Variants in SNAPC4 observed in about 807,000 individuals in gnomAD.
SNAPC4 encodes the protein snRNA-activating protein complex subunit 4.
A neutral mutation model predicts 151.3 loss-of-function variants in SNAPC4; 127 were observed. The observed-to-expected ratio is 0.84, with a 90% CI of 0.73 to 0.97. The LOEUF (loss-of-function observed/expected upper bound fraction) is 0.97. Ranked by LOEUF, SNAPC4 falls within the 50% of genes least tolerant of loss-of-function variation. The probability of loss-of-function intolerance (pLI) is 0.00; values close to 1 mark genes in which losing one functional copy is unlikely to be tolerated. For synonymous variants in SNAPC4, 1,002 were observed against 824.4 expected, an observed-to-expected ratio of 1.22 and a Z score of -3.69; for missense variants, 2,186 against 1,935.0, an observed-to-expected ratio of 1.13 and a Z score of -2.43.
chr9:136,382,557 T>A (rs1833738287), intron 16 of SNAPC4, among the ~76,000 whole-genome samples: 1 of 152,170 alleles, frequency 6.6e-6, no homozygotes, highest in South Asian at 2.1e-4. Context: ...CAGGGTCCCA[T>A]GCCCCCCAGC....
In SNAPC4 at chr9:136,376,549, G is replaced by A. The variant is rs960840004; in HGVS notation, c.4285-68C>T. ...GAGCCATGATGGACGGGGAAGGGAC[G>A]GGAGTGAGGAGGGGCCCTGTGGGTG... On this transcript the variant is annotated intron_variant, in intron 22 of 23. Coordinates refer to ENST00000684778, the MANE Select transcript of SNAPC4 (RefSeq NM_003086.4). The A allele has an allele frequency of 9.5e-6, 15 of 1,582,818 alleles. No individual in the cohort carries two copies. The South Asian group carries it at 1.1e-4, about 12-fold the overall frequency.
intron 19 of SNAPC4, among the ~76,000 whole-genome samples, chr9:136,381,091 C>T (rs1009178627): frequency 3.3e-5 from 5 of 152,158 alleles, no homozygotes; most frequent in Admixed American, 2.6e-4. Flanking sequence ...ACTGGGGCCC[C>T]GGGGACCCCC....
intron 10 of SNAPC4, among the ~76,000 whole-genome samples, chr9:136,391,608 G>C (rs12378717): frequency 0.21 from 32,073 of 152,186 alleles, 3,728 homozygotes; most frequent in Admixed American, 0.27. Context: ...AGGAAAAAGC[G>C]CTTTAGAAAC....
Position 136,378,447 on chromosome 9 carries a change from GCCCTGGGGCCCTGGGCCGCCCGAGTCT to G in SNAPC4, c.3353_3379del (p.Glu1118_Arg1126del). On this transcript the variant is annotated inframe_deletion, in exon 22 of 24. Coordinates refer to ENST00000684778, the MANE Select transcript of SNAPC4 (RefSeq NM_003086.4). ...CTGCCAAGAGCTGCTCAACGCTGGGGCCCTGGGGCCCTGGGCCGCCCGAGTCTCAGTCAGGGGAGGCAGCAGAGTGGC... is the reference window on the plus strand; with the variant it reads ...CTGCCAAGAGCTGCTCAACGCTGGGGCAGTCAGGGGAGGCAGCAGAGTGGC... The G allele has an allele frequency of 1.3e-6, 2 of 1,589,932 alleles. No individual in the cohort carries two copies. The highest frequency in any genetic ancestry group is 1.7e-6 in the Non-Finnish European group (2 of 1,172,054).
At chr9:136,376,148 G>A (rs1372458895) in intron 23 of SNAPC4, among the ~76,000 whole-genome samples, 4 of 152,210 alleles carry the variant, frequency 2.6e-5, no homozygotes, top group South Asian at 2.1e-4. Context: ...GCCAAGGCCC[G>A]AGGCATGGGT....
intron 19 of SNAPC4, among the ~76,000 whole-genome samples, 198 bp downstream of exon 19, chr9:136,381,124 G>A (rs989375499): frequency 1.3e-5 from 2 of 152,204 alleles, no homozygotes; most frequent in African/African-American, 4.8e-5. Context: ...TGTTTAGCCC[G>A]ATGGGGGCAG....
At position 136,391,990 on chromosome 9, in the gene SNAPC4, C is replaced by T. The variant is rs200163513; in HGVS notation, c.927G>A (p.Ala309=). 76 of 1,608,902 alleles carry T rather than the reference C, an allele frequency of 4.7e-5. No homozygotes were observed. The highest frequency in any genetic ancestry group is 4.3e-4 in the South Asian group (39 of 91,082). The change falls in exon 10 of 24, where the codon GCG becomes GCA. Residue 309 remains alanine (A), a synonymous_variant. Transcript: ENST00000684778. The part of the protein sequence containing the change: ...REEEERLQAI[A]AAHGHLEWQK... ...GCCACTCCAGGTGGCCGTGTGCAGC[C>T]GCGATCGCCTGCAGCCGCTCCTCCT...
At chr9:136,385,182 C>T (rs4307444) in intron 13 of SNAPC4, among the ~76,000 whole-genome samples, 28,627 of 152,212 alleles carry the variant, frequency 0.19, 3,362 homozygotes, top group Admixed American at 0.26. Context: ...TCACCAACCA[C>T]ATGAAAAGAG....
At chr9:136,399,929 A>G (rs1347124991) in intron 1 of SNAPC4, among the ~76,000 whole-genome samples, 1 of 151,894 alleles carries the variant, frequency 6.6e-6, no homozygotes, top group Non-Finnish European at 1.5e-5. Flanking sequence ...CTCCCAGCCG[A>G]GGGGCTCCCA....
rs972783805 is a variant in SNAPC4, at chr9:136,383,763, G to A, written c.1501-95C>T. ...CAGCCCTTTGGGGAGAGGCCCAAGC[G>A]GGGGCGCCTCCGGGGTCAAGAGCAG... is the stretch of plus-strand genomic sequence containing the variant. On this transcript the variant is annotated intron_variant, in intron 15 of 23. Coordinates refer to ENST00000684778, the MANE Select transcript of SNAPC4 (RefSeq NM_003086.4). This position sits in a 1 kb window ranked among gnomAD's most constrained non-coding sequence, Gnocchi z 4.2. 1.5e-5 allele frequency: 22 copies of A among 1,495,790 alleles called. No individual in the cohort carries two copies. The highest frequency in any genetic ancestry group is 3.9e-5 in the Admixed American group (2 of 51,866). 92.7% of individuals were successfully genotyped at this position (1,495,790 alleles called of 1,614,324 possible).
chr9:136,377,384 T>C (rs1833486979), intron 22 of SNAPC4, among the ~76,000 whole-genome samples, 159 bp downstream of exon 22: 1 of 152,178 alleles, frequency 6.6e-6, no homozygotes, highest in South Asian at 2.1e-4. Flanking sequence ...TACACGCAAC[T>C]GGGCAGGCCA....
chr9:136,380,660 C>G, intron 20 of SNAPC4, 80 bp downstream of exon 20: 1 of 777,258 alleles, frequency 1.3e-6, no homozygotes, highest in Middle Eastern at 2.4e-4. Context: ...GTGGGGCGGG[C>G]AGCCAGCCTC....
intron 14 of SNAPC4, 139 bp from the exon 15 acceptor site, chr9:136,384,171 G>A: frequency 1.5e-6 from 1 of 651,274 alleles, no homozygotes; most frequent in Non-Finnish European, 2.7e-6. Context: ...GGTCAAGCAT[G>A]TTGGGTGCCT....
At position 136,398,418 on chromosome 9, in the gene SNAPC4, T is replaced by C. The variant is rs780139333; in HGVS notation, c.11A>G (p.Asp4Gly). The C allele has an allele frequency of 2.5e-6, 4 of 1,613,278 alleles. No individual in the cohort carries two copies. Among genetic ancestry groups the C allele is most frequent in the Non-Finnish European group, 3.4e-6 (4 of 1,179,340 alleles). ...CTGTGTTATCTTCTCTCTTTCAGCATCTACATCCATGACTCCCGCCTGCCT... is the reference window on the plus strand; with the variant it reads ...CTGTGTTATCTTCTCTCTTTCAGCACCTACATCCATGACTCCCGCCTGCCT... Reference protein sequence around the residue: MDVDAEREKITQEI... With the variant: MDVGAEREKITQEI... The change falls in exon 2 of 24, where the codon GAT (aspartate) becomes GGT (glycine). Residue 4 changes from aspartate to glycine, a missense_variant. Physicochemically the swap from Asp to Gly is moderately conservative, Grantham distance 94. Coordinates refer to ENST00000684778, the MANE Select transcript of SNAPC4 (RefSeq NM_003086.4).
At chr9:136,379,899 G>A (rs2131473532) in intron 20 of SNAPC4, 35 bp from the exon 21 acceptor site, 2 of 1,603,490 alleles carry the variant, frequency 1.2e-6, no homozygotes, top group Non-Finnish European at 1.7e-6. Flanking sequence ...AGCAGCTCAG[G>A]TGTCCTCTGC....
chr9:136,388,842 T>C (rs1483121339), intron 10 of SNAPC4, among the ~76,000 whole-genome samples: 1 of 152,166 alleles, frequency 6.6e-6, no homozygotes, highest in Non-Finnish European at 1.5e-5. Flanking sequence ...TAAGAAAATA[T>C]TAAGAAAAAT....
At chr9:136,379,564 G>A (rs528500854) in intron 21 of SNAPC4, among the ~76,000 whole-genome samples, 79 of 152,318 alleles carry the variant, frequency 5.2e-4, no homozygotes, top group Admixed American at 1.2e-3. Context: ...CCAGCTTGCC[G>A]GTGTTGGGCA....
chr9:136,388,328 C>A, intron 11 of SNAPC4, 116 bp downstream of exon 11: 1 of 995,536 alleles, frequency 1.0e-6, no homozygotes, highest in Non-Finnish European at 1.5e-6. Flanking sequence ...ACAGCCAGGA[C>A]TGTCTAAGCC....
In SNAPC4 at chr9:136,377,949, C is replaced by T. The variant is rs777312856; in HGVS notation, c.3878G>A (p.Arg1293His). 1.4e-5 allele frequency: 22 copies of T among 1,603,272 alleles called. No individual in the cohort carries two copies. The highest frequency in any genetic ancestry group is 1.1e-4 in the African/African-American group (8 of 74,752). Residue 1293 changes from arginine to histidine, a missense_variant, in exon 22 of 24, where the codon CGT becomes CAT. Arg to His is a conservative substitution (Grantham distance 29). Transcript: ENST00000684778. ...QQWLGGQRGV[R>H]VPLLGSRLPY... Reference sequence around the variant, plus strand: ...CAGTCTGCTGCCCAGAAGAGGCACACGCACCCCCCGCTGGCCCCCCAGCCA... The same window carrying T: ...CAGTCTGCTGCCCAGAAGAGGCACATGCACCCCCCGCTGGCCCCCCAGCCA...
Sources: gnomAD v4.1 joint callset for allele counts (sites outside exome capture counted in the v4.1 genomes callset) on GRCh38, gnomAD v4.1.1 for gene constraint, Gnocchi (gnomAD v3.1) non-coding constraint, MANE v1.5 for transcripts, NCBI Gene and HGNC (gene_info 2026-07-23, HGNC 2026-07-21) for gene names.